The following IMPA2 variants were observed in gnomAD, a reference collection of about 807,000 sequenced individuals.
IMPA2 encodes the protein IMP 2.
Under a neutral mutation model 35.1 loss-of-function variants are expected in IMPA2, and 32 were observed. The observed-to-expected ratio is 0.91, with a 90% CI of 0.69 to 1.23. The LOEUF (loss-of-function observed/expected upper bound fraction) is 1.23. Ranked by LOEUF, IMPA2 falls within the 50% of genes most tolerant of loss-of-function variation. The pLI is 0.00. For synonymous variants in IMPA2, 135 were observed against 160.6 expected (o/e 0.84, Z 1.20); for missense variants, 334 against 387.6 (o/e 0.86, Z 1.16).
intron 5 of IMPA2, among the ~76,000 whole-genome samples, chr18:12,022,043 T>C (rs769991120): frequency 6.6e-6 from 1 of 152,104 alleles, no homozygotes; most frequent in Non-Finnish European, 1.5e-5. Flanking sequence ...GTAAAATGTA[T>C]GTAAATATGA....
intron 1 of IMPA2, among the ~76,000 whole-genome samples, chr18:11,982,793 CAAAAAAA>C (rs11354219): frequency 1.8e-5 from 2 of 111,732 alleles, no homozygotes; most frequent in Non-Finnish European, 4.2e-5. Flanking sequence ...AACTCCGTCT[CAAAAAAA>C]AAAAAAAAAA....
At position 12,010,233 on chromosome 18, in the gene IMPA2, A is replaced by C; in HGVS notation, c.335+246A>C. 2.2e-6 allele frequency: 1 copy of C among 448,550 alleles called. No individual in the cohort carries two copies. Among genetic ancestry groups the C allele is most frequent in the Non-Finnish European group, 4.0e-6 (1 of 250,844 alleles). 27.8% of individuals were successfully genotyped at this position (448,550 alleles called of 1,614,324 possible). ...TAAAAACCAGTTTGTTATGTTAAAA[A>C]TGTTGGGTTGCATTTAACAAGGACC... On this transcript the variant is annotated intron_variant, in intron 3 of 7. Coordinates refer to ENST00000269159, the MANE Select transcript of IMPA2 (RefSeq NM_014214.3). The surrounding 1 kb of genome is among the most constrained non-coding windows in gnomAD (Gnocchi z 4.8).
intron 2 of IMPA2, among the ~76,000 whole-genome samples, chr18:12,000,716 C>T (rs943381401): frequency 9.5e-5 from 14 of 147,958 alleles, no homozygotes; most frequent in Non-Finnish European, 1.8e-4. Flanking sequence ...CCCGGGTTCA[C>T]GCCATTCTCC....
At chr18:12,016,331 G>T (rs1339121314) in intron 5 of IMPA2, among the ~76,000 whole-genome samples, 1 of 152,088 alleles carries the variant, frequency 6.6e-6, no homozygotes, top group African/African-American at 2.4e-5. Context: ...TCTTTCCTAT[G>T]GGTAGATGGA....
intron 6 of IMPA2, 65 bp from the exon 7 acceptor site, chr18:12,028,777 C>T (rs777008211): frequency 6.5e-6 from 10 of 1,533,304 alleles, no homozygotes; most frequent in South Asian, 1.2e-5. Flanking sequence ...TGGCTGAAGT[C>T]GGCTTGCACA....
intron 1 of IMPA2, among the ~76,000 whole-genome samples, chr18:11,987,262 A>G (rs1400874850): frequency 6.6e-6 from 1 of 152,260 alleles, no homozygotes; most frequent in Admixed American, 6.5e-5. Context: ...GAGTGGCACA[A>G]TGGGAACTTC....
chr18:11,988,646 C>A (rs1351418664), intron 1 of IMPA2, among the ~76,000 whole-genome samples: 4 of 152,044 alleles, frequency 2.6e-5, no homozygotes, highest in Admixed American at 2.6e-4. Context: ...AGATGACAGC[C>A]TCTGAGTTGG....
chr18:12,000,403 C>T (rs1400470064), intron 2 of IMPA2, among the ~76,000 whole-genome samples: 4 of 137,410 alleles, frequency 2.9e-5, no homozygotes, highest in Admixed American at 2.2e-4. Context: ...TAAACACTTA[C>T]CTTCTTTTTT....
intron 1 of IMPA2, among the ~76,000 whole-genome samples, chr18:11,989,307 A>T (rs1303004259): frequency 6.6e-6 from 1 of 152,162 alleles, no homozygotes; most frequent in Non-Finnish European, 1.5e-5. Flanking sequence ...TCGCTGGAGG[A>T]AGAGGAGGCA....
rs1423014547 is a variant in IMPA2 at position 12,030,702 on chromosome 18, T to G, written c.*244T>G. ...GCCTTTTTCAGGTTAGTACGTGTTCTTCTGTCAGGGCCAAAACTCAAATCT... is the reference window on the plus strand; with the variant it reads ...GCCTTTTTCAGGTTAGTACGTGTTCGTCTGTCAGGGCCAAAACTCAAATCT... On this transcript the variant is annotated 3_prime_UTR_variant, in exon 8 of 8. Coordinates refer to ENST00000269159, the MANE Select transcript of IMPA2 (RefSeq NM_014214.3). 2.1e-6 allele frequency: 1 copy of G among 486,288 alleles called. No homozygotes were observed. The highest frequency in any genetic ancestry group is 2.0e-5 in the African/African-American group (1 of 51,126). 30.1% of individuals were successfully genotyped at this position (486,288 alleles called of 1,614,324 possible). A position where few individuals can be genotyped will look rare whatever the true frequency, so the allele number is the denominator to read the frequency against.
intron 6 of IMPA2, chr18:12,028,360 G>A (rs1568040063): frequency 1.8e-6 from 1 of 559,372 alleles, no homozygotes; most frequent in East Asian, 2.8e-5. Flanking sequence ...GTGGGCACCT[G>A]TGTTGCTTCT....
chr18:12,005,518 G>T (rs973439877), intron 2 of IMPA2, among the ~76,000 whole-genome samples: 5 of 152,028 alleles, frequency 3.3e-5, no homozygotes, highest in African/African-American at 1.2e-4. Context: ...AAAAGTACTT[G>T]CTGGGTTACA....
intron 1 of IMPA2, among the ~76,000 whole-genome samples, chr18:11,997,648 T>C (rs1906998248): frequency 6.6e-6 from 1 of 152,144 alleles, no homozygotes; most frequent in Non-Finnish European, 1.5e-5. Flanking sequence ...ATTCCCCGTG[T>C]GCTTCTTCTG....
intron 5 of IMPA2, among the ~76,000 whole-genome samples, chr18:12,020,501 T>A (rs968321007): frequency 6.6e-6 from 1 of 152,226 alleles, no homozygotes; most frequent in African/African-American, 2.4e-5. Context: ...CCTCTTTTTT[T>A]AAATTGTAGA....
chr18:12,008,606 C>T, intron 2 of IMPA2: 2 of 454,598 alleles, frequency 4.4e-6, no homozygotes, highest in South Asian at 3.1e-5. Flanking sequence ...GCTGCGAATA[C>T]ACCTGACCAC....
At chr18:12,024,951 C>G (rs1489077468) in intron 5 of IMPA2, among the ~76,000 whole-genome samples, 1 of 152,174 alleles carries the variant, frequency 6.6e-6, no homozygotes, top group Non-Finnish European at 1.5e-5. Flanking sequence ...TTTCATTAGG[C>G]TTCACTGTTG....
rs1907054450 is a variant in IMPA2, at chr18:11,999,336, G to T, written c.230+149G>T. On this transcript the variant is annotated intron_variant, in intron 2 of 7. Transcript: ENST00000269159. Reference sequence around the variant, plus strand: ...ACGCAGCCTAACCTGCGATTTGTCAGTTACTTAGTAAGCAAACTCAGCCCT... The same window carrying T: ...ACGCAGCCTAACCTGCGATTTGTCATTTACTTAGTAAGCAAACTCAGCCCT... The T allele has an allele frequency of 7.8e-6, 5 of 644,832 alleles. No homozygotes were observed. In the South Asian group the frequency reaches 1.1e-4, roughly 15 times the overall value. The allele number at this position is 644,832 out of a possible 1,614,324, so 39.9% of individuals were successfully genotyped here.
At chr18:12,024,369 C>A (rs182613652) in intron 5 of IMPA2, among the ~76,000 whole-genome samples, 78 of 151,338 alleles carry the variant, frequency 5.2e-4, no homozygotes, top group East Asian at 5.0e-3. Context: ...CTGTAATCCC[C>A]GCTACTTGGG....
At chr18:12,029,329 T>A (rs1907981527) in intron 7 of IMPA2, among the ~76,000 whole-genome samples, 2 of 151,912 alleles carry the variant, frequency 1.3e-5, no homozygotes, top group African/African-American at 4.8e-5. Context: ...TCAGCCAGGA[T>A]GCTCTTGATC....
Sources: gnomAD v4.1 joint callset for allele counts (sites outside exome capture counted in the v4.1 genomes callset) on GRCh38, gnomAD v4.1.1 for gene constraint, Gnocchi (gnomAD v3.1) non-coding constraint, MANE v1.5 for transcripts, NCBI Gene and HGNC (gene_info 2026-07-23, HGNC 2026-07-21) for gene names.